The following OPCML variants were observed in gnomAD, a reference collection of about 807,000 sequenced individuals.
The protein encoded by OPCML is opioid-binding protein/cell adhesion molecule.
OPCML carries 13 observed loss-of-function variants against 37.8 expected under a neutral mutation model. The ratio of observed to expected loss-of-function variants is 0.34; its 90% CI spans 0.22 to 0.55. The LOEUF is 0.55. Ranked by LOEUF, OPCML falls within the 20% of genes least tolerant of loss-of-function variation. The pLI, the probability that OPCML is intolerant of heterozygous loss-of-function variation, is 0.91. For missense variants in OPCML, 341 were observed against 435.6 expected (o/e 0.78, Z 1.93); for synonymous variants, 176 against 168.8 (o/e 1.04, Z -0.33).
intron 1 of OPCML, among the ~76,000 whole-genome samples, chr11:133,437,213 C>T (rs1049619255): frequency 2.6e-5 from 4 of 152,136 alleles, no homozygotes; most frequent in African/African-American, 4.8e-5. Context: ...TCAGGCAAGC[C>T]GAATGCTGTC....
chr11:132,561,149 C>T (rs2096409808), intron 3 of OPCML, among the ~76,000 whole-genome samples: 1 of 152,202 alleles, frequency 6.6e-6, no homozygotes, highest in Non-Finnish European at 1.5e-5. Context: ...TATTCATTAT[C>T]TGAAATGACG....
At chr11:133,047,947 A>T (rs971617404) in intron 1 of OPCML, among the ~76,000 whole-genome samples, 1 of 152,168 alleles carries the variant, frequency 6.6e-6, no homozygotes, top group Non-Finnish European at 1.5e-5. Context: ...TGGCCAGGGC[A>T]CTGCGAGAGG....
intron 2 of OPCML, among the ~76,000 whole-genome samples, chr11:132,676,459 T>C (rs556988364): frequency 2.6e-5 from 4 of 152,088 alleles, no homozygotes; most frequent in South Asian, 2.1e-4. Flanking sequence ...TTAACAACTT[T>C]TGTATTTCAA....
Position 133,212,876 on chromosome 11 carries a change from G to T in OPCML, c.62-269866C>A. On this transcript the variant is annotated intron_variant, in intron 1 of 7. Coordinates refer to ENST00000524381, the MANE Select transcript of OPCML (RefSeq NM_001012393.5). The surrounding 1 kb of genome is among the most constrained non-coding windows in gnomAD (Gnocchi z 4.9). ...GGGTTTCCATACTCTAAAATTCCAC[G>T]TTTGTATCTGCGTCATGCCGTTAAA... 6.6e-6 allele frequency among the ~76,000 whole-genome samples: 1 copy of T among 152,086 alleles called. No individual in the cohort carries two copies. Among genetic ancestry groups the T allele is most frequent in the East Asian group, 1.9e-4 (1 of 5,182 alleles).
In OPCML at chr11:132,934,762, C is replaced by T. The variant is rs371367204; in HGVS notation, c.146+8164G>A. Among the ~76,000 whole-genome samples the T allele has an allele frequency of 3.9e-4, 60 of 152,128 alleles. No homozygotes were observed. In the Middle Eastern group the frequency reaches 0.017, roughly 43 times the overall value. ...TAATTCCATTATTGTCTTTTCTGTC[C>T]TTTATCTATCTTCCTTCCTTTGTTA... On this transcript the variant is annotated intron_variant, in intron 2 of 7. Coordinates refer to ENST00000524381, the MANE Select transcript of OPCML (RefSeq NM_001012393.5).
chr11:133,436,701 T>A (rs1946240519), intron 1 of OPCML, among the ~76,000 whole-genome samples: 1 of 152,230 alleles, frequency 6.6e-6, no homozygotes, highest in Non-Finnish European at 1.5e-5. Flanking sequence ...TTACTAGCTG[T>A]GTGACCTTGA....
intron 3 of OPCML, among the ~76,000 whole-genome samples, chr11:132,568,566 A>G (rs1448725785): frequency 1.3e-5 from 2 of 152,216 alleles, no homozygotes; most frequent in African/African-American, 4.8e-5. Flanking sequence ...GAGTGATGAC[A>G]GAGACAGAGA....
At chr11:133,377,047 T>C (rs539044389) in intron 1 of OPCML, among the ~76,000 whole-genome samples, 24 of 151,928 alleles carry the variant, frequency 1.6e-4, no homozygotes, top group Admixed American at 3.9e-4. Context: ...CGGGACTATG[T>C]AGTGTAGTGT....
intron 1 of OPCML, among the ~76,000 whole-genome samples, chr11:133,385,891 A>G (rs1341321405): frequency 6.6e-6 from 1 of 152,228 alleles, no homozygotes; most frequent in African/African-American, 2.4e-5. Context: ...TTGGTTTACA[A>G]AGCAGAAATC....
At chr11:133,512,553 T>C (rs1291248124) in intron 1 of OPCML, among the ~76,000 whole-genome samples, 1 of 152,170 alleles carries the variant, frequency 6.6e-6, no homozygotes, top group East Asian at 1.9e-4. Context: ...TAGCTCAACC[T>C]TCAGTCCCTC....
At chr11:133,176,162 A>G (rs1229185290) in intron 1 of OPCML, among the ~76,000 whole-genome samples, 2 of 152,162 alleles carry the variant, frequency 1.3e-5, no homozygotes, top group African/African-American at 4.8e-5. Flanking sequence ...CTATTCCAGA[A>G]ACAAACACAA....
intron 2 of OPCML, among the ~76,000 whole-genome samples, chr11:132,929,998 G>T (rs750897374): frequency 6.6e-6 from 1 of 152,070 alleles, no homozygotes; most frequent in Non-Finnish European, 1.5e-5. Context: ...TCTAAGATTA[G>T]AACCAAGGCA....
chr11:132,975,529 C>CAAAAAAAAAAAAAAAAAAAAAAAAA (rs56882175), intron 1 of OPCML, among the ~76,000 whole-genome samples: 2 of 42,800 alleles, frequency 4.7e-5, no homozygotes, highest in Non-Finnish European at 8.5e-5. Context: ...AGGTTTCAAG[C>CAAAAAAAAAAAAAAAAAAAAAAAAA]AAAAAAAAAA....
intron 2 of OPCML, among the ~76,000 whole-genome samples, chr11:132,940,849 G>A (rs1455338361): frequency 2.0e-5 from 3 of 152,110 alleles, no homozygotes; most frequent in Admixed American, 2.0e-4. Context: ...TATACATTAT[G>A]GGAGCATCTG....
chr11:133,052,208 T>C (rs922432203), intron 1 of OPCML, among the ~76,000 whole-genome samples: 60 of 152,214 alleles, frequency 3.9e-4, no homozygotes, highest in African/African-American at 1.4e-3. Context: ...TGGAGAATTA[T>C]AGTTAGGACG....
intron 1 of OPCML, among the ~76,000 whole-genome samples, chr11:133,244,501 A>G (rs1465035022): frequency 4.6e-5 from 7 of 152,216 alleles, no homozygotes; most frequent in Middle Eastern, 3.4e-3. Context: ...TGGAATACAC[A>G]TGGTCTGGGA....
At chr11:132,645,976 C>T (rs548768564) in intron 3 of OPCML, among the ~76,000 whole-genome samples, 69 of 151,948 alleles carry the variant, frequency 4.5e-4, no homozygotes, top group Admixed American at 6.5e-4. Flanking sequence ...CTATGAGAAA[C>T]GAAGAAGAAT....
chr11:132,467,004 A>C (rs977148894), intron 4 of OPCML, among the ~76,000 whole-genome samples: 17 of 152,182 alleles, frequency 1.1e-4, no homozygotes, highest in African/African-American at 4.1e-4. Flanking sequence ...AACAAAAAGG[A>C]ACAGATAAGA....
In OPCML at chr11:132,805,291, C is replaced by T. The variant is rs140126387; in HGVS notation, c.146+137635G>A. Among the ~76,000 whole-genome samples, 498 of 152,178 alleles carry T rather than the reference C, an allele frequency of 3.3e-3. 1 individual carries two copies. Among genetic ancestry groups the T allele is most frequent in the African/African-American group, 0.012 (479 of 41,530 alleles). ...AGAGAAGAAAAAAGGATTTTATGAGCCTCAGGGAAATACAGAATGCTATTA... is the reference window on the plus strand; with the variant it reads ...AGAGAAGAAAAAAGGATTTTATGAGTCTCAGGGAAATACAGAATGCTATTA... On this transcript the variant is annotated intron_variant, in intron 2 of 7. Coordinates refer to ENST00000524381, the MANE Select transcript of OPCML (RefSeq NM_001012393.5).
Sources: allele counts gnomAD v4.1 joint callset (sites outside exome capture counted in the v4.1 genomes callset), GRCh38; gene constraint gnomAD v4.1.1; non-coding constraint Gnocchi (gnomAD v3.1); transcripts MANE v1.5; gene names NCBI Gene and HGNC (gene_info 2026-07-23, HGNC 2026-07-21).